Variants in SH3RF3 observed in about 807,000 individuals in gnomAD.
The protein encoded by SH3RF3 is SH3 domain containing ring finger 3.
SH3RF3 carries 29 observed loss-of-function variants against 66.3 expected under a neutral mutation model. That is an observed-to-expected ratio of 0.44 (90% CI 0.33 to 0.60). The LOEUF (loss-of-function observed/expected upper bound fraction) is 0.60, where lower values mean the gene tolerates loss of function less well. Among genes scored for constraint, SH3RF3 ranks in the 20% least tolerant of loss-of-function variants. The pLI is 0.04. For missense variants in SH3RF3, 1,194 were observed against 1,190.9 expected (o/e 1.00, Z -0.04); for synonymous variants, 583 against 532.0 (o/e 1.10, Z -1.32).
chr2:109,352,734 C>A (rs539793317), intron 2 of SH3RF3, among the ~76,000 whole-genome samples: 1 of 152,316 alleles, frequency 6.6e-6, no homozygotes, highest in East Asian at 1.9e-4. Flanking sequence ...AGTGCACCTG[C>A]AGCCACCTCT....
intron 1 of SH3RF3, among the ~76,000 whole-genome samples, chr2:109,179,835 T>C (rs1678032865): frequency 6.6e-6 from 1 of 152,196 alleles, no homozygotes; most frequent in Admixed American, 6.5e-5. Flanking sequence ...ACCATAGCCC[T>C]CTTGGCTAAA....
chr2:109,358,442 A>G (rs970705317), intron 2 of SH3RF3, among the ~76,000 whole-genome samples: 7 of 152,236 alleles, frequency 4.6e-5, no homozygotes, highest in Admixed American at 4.6e-4. Flanking sequence ...TTTGCATGGT[A>G]AAAGCATGCC....
Position 109,393,139 on chromosome 2 carries a change from G to C in SH3RF3, c.946-5451G>C, listed in dbSNP as rs1676047457. Among the ~76,000 whole-genome samples, 4 of 152,216 alleles carry C rather than the reference G, an allele frequency of 2.6e-5. No individual in the cohort carries two copies. In the South Asian group the frequency reaches 8.3e-4, roughly 32 times the overall value. Reference sequence around the variant, plus strand: ...GGCAGGCAAAGGCCATTCTTCATCTGCTCCTGAGTTTTTGAAGCTTTAAGG... The same window carrying C: ...GGCAGGCAAAGGCCATTCTTCATCTCCTCCTGAGTTTTTGAAGCTTTAAGG... On this transcript the variant is annotated intron_variant, in intron 3 of 9. Coordinates refer to ENST00000309415, the MANE Select transcript of SH3RF3 (RefSeq NM_001099289.3).
chr2:109,461,502 C>T (rs1430925496), intron 8 of SH3RF3, among the ~76,000 whole-genome samples: 2 of 8,208 alleles, frequency 2.4e-4, no homozygotes, highest in Admixed American at 9.7e-4. Context: ...TAAAGACCTG[C>T]GCGGTGATCC....
At position 109,490,803 on chromosome 2, in the gene SH3RF3, CA is replaced by C; in HGVS notation, c.2348del (p.Gln783ArgfsTer18). 2 of 1,537,014 alleles carry C rather than the reference CA, an allele frequency of 1.3e-6. No homozygotes were observed. Among genetic ancestry groups the C allele is most frequent in the Non-Finnish European group, 1.7e-6 (2 of 1,146,818 alleles). On this transcript the variant is annotated frameshift_variant, in exon 9 of 10. Transcript: ENST00000309415. LOFTEE classifies it high-confidence loss of function. ...GTCCTGCCCCATAGAGAGCGAGATG[CA>C]GGGTGCCATGGGGATGGAGCCTCTG... ...AGSCPIESEM[Q>X]GAMGMEPLHR...
At chr2:109,197,184 G>A (rs7604406) in intron 1 of SH3RF3, among the ~76,000 whole-genome samples, 3 of 152,312 alleles carry the variant, frequency 2.0e-5, no homozygotes, top group Admixed American at 2.0e-4. Flanking sequence ...CAGGAAGGCG[G>A]TAGTCTTGTT....
At chr2:109,442,265 C>G (rs924969359) in intron 7 of SH3RF3, among the ~76,000 whole-genome samples, 1 of 148,658 alleles carries the variant, frequency 6.7e-6, no homozygotes, top group Admixed American at 6.7e-5. Context: ...GAGCCGAGAT[C>G]GTGCCACTGC....
chr2:109,235,098 G>A lies in SH3RF3; in HGVS notation c.573+104985G>A, dbSNP rs1303027974. Among the ~76,000 whole-genome samples the A allele has an allele frequency of 2.0e-5, 3 of 152,194 alleles. No individual in the cohort carries two copies. In the East Asian group the frequency reaches 5.8e-4, roughly 29 times the overall value. The stretch of plus-strand genomic sequence containing the variant: ...CAGAGCTTTAGAACCAGACCACAGA[G>A]CAATAAGCAGTACGGTTTTAGAGTT... On this transcript the variant is annotated intron_variant, in intron 1 of 9. Coordinates refer to ENST00000309415, the MANE Select transcript of SH3RF3 (RefSeq NM_001099289.3).
At chr2:109,419,761 T>A in intron 5 of SH3RF3, 119 bp downstream of exon 5, 2 of 894,092 alleles carry the variant, frequency 2.2e-6, no homozygotes, top group African/African-American at 1.7e-5. Flanking sequence ...TTGGCCAGTA[T>A]AGTTATGTGC....
intron 1 of SH3RF3, among the ~76,000 whole-genome samples, chr2:109,133,924 A>G (rs1005162507): frequency 2.0e-5 from 3 of 152,078 alleles, no homozygotes; most frequent in African/African-American, 7.2e-5. Flanking sequence ...GGTGTGGGTG[A>G]CTTTGGCTGT....
At chr2:109,248,754 TTC>T (rs545409191) in intron 1 of SH3RF3, among the ~76,000 whole-genome samples, 92 of 151,480 alleles carry the variant, frequency 6.1e-4, no homozygotes, top group Non-Finnish European at 1.0e-3. Flanking sequence ...CTTTCCTTCC[TTC>T]TCTCTCTCTC....
chr2:109,430,203 G>A (rs1429172654), intron 5 of SH3RF3, among the ~76,000 whole-genome samples: 1 of 152,224 alleles, frequency 6.6e-6, no homozygotes, highest in East Asian at 1.9e-4. Context: ...CCATGGCCAG[G>A]AGCCAACCCG....
At chr2:109,174,837 A>G (rs1483673050) in intron 1 of SH3RF3, among the ~76,000 whole-genome samples, 1 of 152,168 alleles carries the variant, frequency 6.6e-6, no homozygotes, top group African/African-American at 2.4e-5. Context: ...CAGGGATAGG[A>G]TAGCAGGAGC....
At chr2:109,366,338 T>G (rs1683152209) in intron 2 of SH3RF3, among the ~76,000 whole-genome samples, 1 of 152,220 alleles carries the variant, frequency 6.6e-6, no homozygotes, top group Admixed American at 6.5e-5. Context: ...ATGGAATGTC[T>G]CTGTGTAGTT....
Position 109,278,242 on chromosome 2 carries a change from T to C in SH3RF3, c.574-69432T>C, listed in dbSNP as rs369636492. Among the ~76,000 whole-genome samples the C allele has an allele frequency of 2.2e-3, 336 of 152,122 alleles. 1 individual carries two copies. The highest frequency in any genetic ancestry group is 6.8e-3 in the Middle Eastern group (2 of 294). ...TTTCTCTGCACTCCTTTGTGGAGGA[T>C]GTTTCCCTGAGCCCACGGTAGGCAC... is the stretch of plus-strand genomic sequence containing the variant. On this transcript the variant is annotated intron_variant, in intron 1 of 9. Transcript: ENST00000309415.
chr2:109,215,510 G>A (rs1679085032), intron 1 of SH3RF3, among the ~76,000 whole-genome samples: 1 of 152,124 alleles, frequency 6.6e-6, no homozygotes, highest in Non-Finnish European at 1.5e-5. Flanking sequence ...TCAGCAGTGT[G>A]TACTCGGAGT....
At chr2:109,239,404 A>G (rs916604885) in intron 1 of SH3RF3, among the ~76,000 whole-genome samples, 1 of 152,336 alleles carries the variant, frequency 6.6e-6, no homozygotes, top group South Asian at 2.1e-4. Context: ...CTGAATAAGA[A>G]TAAGGATACA....
chr2:109,492,862 A>G (rs1679165603), intron 9 of SH3RF3, among the ~76,000 whole-genome samples: 1 of 152,008 alleles, frequency 6.6e-6, no homozygotes, highest in South Asian at 2.1e-4. Flanking sequence ...GGGCTGCACC[A>G]TTGTTGGGTC....
intron 7 of SH3RF3, 131 bp from the exon 8 acceptor site, chr2:109,449,039 T>A: frequency 9.1e-7 from 1 of 1,101,670 alleles, no homozygotes. Flanking sequence ...GCCAGGTCTG[T>A]CTGGAGAAAC....
Sources: gnomAD v4.1 joint callset for allele counts (sites outside exome capture counted in the v4.1 genomes callset) on GRCh38, gnomAD v4.1.1 for gene constraint, MANE v1.5 for transcripts, NCBI Gene and HGNC (gene_info 2026-07-23, HGNC 2026-07-21) for gene names.